EPS8: variants seen among roughly 807,000 people sequenced by gnomAD.
EPS8 encodes the protein EGFR pathway substrate 8, signaling adaptor.
Under a neutral mutation model 103.8 loss-of-function variants are expected in EPS8, and 42 were observed. The observed-to-expected ratio is 0.40, with a 90% CI of 0.32 to 0.52. EPS8 has a LOEUF of 0.52. Ranked by LOEUF, EPS8 falls within the 20% of genes least tolerant of loss-of-function variation. EPS8 has a pLI of 0.40. For synonymous variants in EPS8, 344 were observed against 344.6 expected (o/e 1.00, Z 0.02); for missense variants, 969 against 1,005.1 (o/e 0.96, Z 0.49).
rs1305695021 is a variant in EPS8, at chr12:15,769,055, C to T, written c.-22+20106G>A. On this transcript the variant is annotated intron_variant, in intron 1 of 20. Transcript: ENST00000281172. The surrounding 1 kb of genome is among the most constrained non-coding windows in gnomAD (Gnocchi z 4.6). ...TATCAGATATTTAAATCTTTGTGAA[C>T]AGACAGCCCCCTTCTTTTCCCATAT... Among the ~76,000 whole-genome samples, 9 of 152,120 alleles carry T rather than the reference C, an allele frequency of 5.9e-5. No homozygotes were observed. Among genetic ancestry groups the T allele is most frequent in the Non-Finnish European group, 1.0e-4 (7 of 68,016 alleles).
chr12:15,724,499 CTG>C (rs1181545983), intron 1 of EPS8, among the ~76,000 whole-genome samples: 2 of 152,246 alleles, frequency 1.3e-5, no homozygotes, highest in Admixed American at 6.5e-5. Flanking sequence ...GTAAGGGAGA[CTG>C]TTTACAGACA....
chr12:15,640,116 G>T (rs1945203441), intron 17 of EPS8, among the ~76,000 whole-genome samples: 1 of 152,176 alleles, frequency 6.6e-6, no homozygotes, highest in Non-Finnish European at 1.5e-5. Flanking sequence ...GACCTTCATG[G>T]GCCTTCAATG....
At chr12:15,634,993 G>T (rs554063638) in intron 17 of EPS8, among the ~76,000 whole-genome samples, 1 of 152,152 alleles carries the variant, frequency 6.6e-6, no homozygotes, top group Non-Finnish European at 1.5e-5. Flanking sequence ...AGTAGAAACC[G>T]TGTAAAGTAC....
intron 6 of EPS8, 97 bp from the exon 7 acceptor site, chr12:15,666,619 A>C: frequency 1.2e-6 from 1 of 818,994 alleles, no homozygotes; most frequent in Non-Finnish European, 2.0e-6. Flanking sequence ...TGTCTGAATC[A>C]GTAAGTATCT....
In EPS8 at chr12:15,702,795, A is replaced by G. The variant is rs1367883524; in HGVS notation, c.-21-19823T>C. On this transcript the variant is annotated intron_variant, in intron 1 of 20. Transcript: ENST00000281172. This position sits in a 1 kb window ranked among gnomAD's most constrained non-coding sequence, Gnocchi z 5.1. The stretch of plus-strand genomic sequence containing the variant: ...ATAGTGAAATTATGAAAGGAATTCT[A>G]GCTTATGCACGTAATGGTTATTAAA... Among the ~76,000 whole-genome samples, 1 of 152,228 alleles carries G rather than the reference A, an allele frequency of 6.6e-6. No homozygotes were observed. The highest frequency in any genetic ancestry group is 1.9e-4 in the East Asian group (1 of 5,200).
rs1158884233 is a variant in EPS8, at chr12:15,706,479, C to T, written c.-21-23507G>A. On this transcript the variant is annotated intron_variant, in intron 1 of 20. Coordinates refer to ENST00000281172, the MANE Select transcript of EPS8 (RefSeq NM_004447.6). The surrounding 1 kb of genome is among the most constrained non-coding windows in gnomAD (Gnocchi z 5.2). ...ACCATTCCCTGACTCCCAATCTATCCTAGATTTCTACATTACATGTTTTCA... is the reference window on the plus strand; with the variant it reads ...ACCATTCCCTGACTCCCAATCTATCTTAGATTTCTACATTACATGTTTTCA... Among the ~76,000 whole-genome samples, 1 of 152,164 alleles carries T rather than the reference C, an allele frequency of 6.6e-6. No individual in the cohort carries two copies. Among genetic ancestry groups the T allele is most frequent in the East Asian group, 1.9e-4 (1 of 5,196 alleles).
chr12:15,683,045 T>C, intron 1 of EPS8, 73 bp from the exon 2 acceptor site: 1 of 718,284 alleles, frequency 1.4e-6, no homozygotes, highest in Non-Finnish European at 2.3e-6. Context: ...AGTTATTCAT[T>C]CAACAAATAT....
In EPS8 at chr12:15,778,562, C is replaced by T. The variant is rs1333190115; in HGVS notation, c.-22+10599G>A. 2.0e-5 allele frequency among the ~76,000 whole-genome samples: 3 copies of T among 152,172 alleles called. No individual in the cohort carries two copies. The highest frequency in any genetic ancestry group is 7.2e-5 in the African/African-American group (3 of 41,448). On this transcript the variant is annotated intron_variant, in intron 1 of 20. Coordinates refer to ENST00000281172, the MANE Select transcript of EPS8 (RefSeq NM_004447.6). This position sits in a 1 kb window ranked among gnomAD's most constrained non-coding sequence, Gnocchi z 4.5. ...CCACGCAACAGAGGTTCTGAGAATACAGATAAACACTAAAACAGTAAGGAC... is the reference window on the plus strand; with the variant it reads ...CCACGCAACAGAGGTTCTGAGAATATAGATAAACACTAAAACAGTAAGGAC...
At chr12:15,656,788 C>T (rs1945514781) in intron 12 of EPS8, among the ~76,000 whole-genome samples, 1 of 152,150 alleles carries the variant, frequency 6.6e-6, no homozygotes, top group Non-Finnish European at 1.5e-5. Context: ...CCTCCAAAAA[C>T]CTGCTCTACC....
At chr12:15,758,527 A>C (rs183406628) in intron 1 of EPS8, among the ~76,000 whole-genome samples, 48 of 152,336 alleles carry the variant, frequency 3.2e-4, no homozygotes, top group African/African-American at 1.1e-3. Context: ...GAACTGAATT[A>C]AAGTTTAATC....
chr12:15,753,028 C>T (rs1591920485), intron 1 of EPS8, among the ~76,000 whole-genome samples: 2 of 151,774 alleles, frequency 1.3e-5, no homozygotes, highest in South Asian at 4.2e-4. Flanking sequence ...CAGGCAGCAA[C>T]TAGATCCTTC....
intron 1 of EPS8, among the ~76,000 whole-genome samples, chr12:15,740,406 G>A (rs1308713235): frequency 5.9e-5 from 9 of 151,898 alleles, no homozygotes; most frequent in African/African-American, 1.7e-4. Flanking sequence ...TTAGCCAGGC[G>A]TGGTGGTGCA....
intron 1 of EPS8, among the ~76,000 whole-genome samples, chr12:15,707,223 G>A (rs1277419123): frequency 6.6e-6 from 1 of 152,044 alleles, no homozygotes; most frequent in Non-Finnish European, 1.5e-5. Flanking sequence ...ACAAACTTTC[G>A]GTAAAGAGCC....
At chr12:15,712,492 C>T (rs1407461298) in intron 1 of EPS8, among the ~76,000 whole-genome samples, 1 of 152,172 alleles carries the variant, frequency 6.6e-6, no homozygotes. Context: ...TTAAACATTT[C>T]GTATATTATG....
At chr12:15,680,576 C>T (rs1190716772) in intron 3 of EPS8, among the ~76,000 whole-genome samples, 1 of 152,088 alleles carries the variant, frequency 6.6e-6, no homozygotes, top group African/African-American at 2.4e-5. Context: ...CTATTAACCA[C>T]AATATTATTC....
chr12:15,644,521 C>T (rs1212009662), intron 15 of EPS8, among the ~76,000 whole-genome samples: 2 of 151,986 alleles, frequency 1.3e-5, no homozygotes, highest in Non-Finnish European at 2.9e-5. Flanking sequence ...GGTGAAACCC[C>T]ATCTCTACTA....
At chr12:15,645,200 C>A (rs1405436488) in intron 15 of EPS8, among the ~76,000 whole-genome samples, 3 of 152,082 alleles carry the variant, frequency 2.0e-5, no homozygotes, top group African/African-American at 7.2e-5. Context: ...CCTGACATCA[C>A]CTATCCCATC....
At chr12:15,635,233 A>G (rs1281981675) in intron 17 of EPS8, among the ~76,000 whole-genome samples, 1 of 152,192 alleles carries the variant, frequency 6.6e-6, no homozygotes, top group African/African-American at 2.4e-5. Flanking sequence ...AAAATTATGT[A>G]CATGTGCATG....
chr12:15,726,444 A>G (rs899419621), intron 1 of EPS8, among the ~76,000 whole-genome samples: 2 of 152,278 alleles, frequency 1.3e-5, no homozygotes, highest in Middle Eastern at 3.4e-3. Context: ...AATATCTGCC[A>G]AAGTCCAAGT....
Sources: gnomAD v4.1 joint callset for allele counts (sites outside exome capture counted in the v4.1 genomes callset) on GRCh38, gnomAD v4.1.1 for gene constraint, Gnocchi (gnomAD v3.1) non-coding constraint, MANE v1.5 for transcripts, NCBI Gene and HGNC (gene_info 2026-07-23, HGNC 2026-07-21) for gene names.